FAM89A: variants seen among roughly 807,000 people sequenced by gnomAD.
FAM89A encodes family with sequence similarity 89 member A.
FAM89A carries 10 observed loss-of-function variants against 7.1 expected under a neutral mutation model. The observed-to-expected ratio is 1.40, with a 90% confidence interval of 0.86 to 2.38. The LOEUF is 2.38. Ranked by LOEUF, FAM89A falls within the 30% of genes most tolerant of loss-of-function variation. The pLI is 0.00. For synonymous variants in FAM89A, 157 were observed against 129.3 expected (o/e 1.21, Z -1.45); for missense variants, 276 against 262.8 (o/e 1.05, Z -0.35).
intron 1 of FAM89A, among the ~76,000 whole-genome samples, chr1:231,033,200 C>G (rs143083364): frequency 0.013 from 2,038 of 152,260 alleles, 24 homozygotes; most frequent in Non-Finnish European, 0.018. Context: ...GGGCAAAGGC[C>G]AAGGCGGCCA....
At chr1:231,034,939 C>T (rs12096320) in intron 1 of FAM89A, among the ~76,000 whole-genome samples, 2 of 152,170 alleles carry the variant, frequency 1.3e-5, no homozygotes, top group Non-Finnish European at 2.9e-5. Flanking sequence ...AGTGGAAAGA[C>T]TAGTGAAAAC....
intron 1 of FAM89A, among the ~76,000 whole-genome samples, chr1:231,022,788 G>T (rs1679902842): frequency 1.3e-5 from 2 of 152,184 alleles, no homozygotes; most frequent in South Asian, 4.1e-4. Context: ...ATGAAAAAGT[G>T]CAATAAAGGC....
chr1:231,029,503 A>G (rs1180173444), intron 1 of FAM89A, among the ~76,000 whole-genome samples: 1 of 152,072 alleles, frequency 6.6e-6, no homozygotes, highest in African/African-American at 2.4e-5. Context: ...AAAAAAAGAA[A>G]AAAAAAAAGA....
In FAM89A at chr1:231,021,743, G is replaced by A. The variant is rs190159413; in HGVS notation, c.292-1617C>T. ...AGAACTCGTGGAAACTGCTGGAGAT[G>A]AAATTGTTGACCTCACTTGTGAATC... On this transcript the variant is annotated intron_variant, in intron 1 of 1. Coordinates refer to ENST00000366654, the MANE Select transcript of FAM89A (RefSeq NM_198552.3). 4.4e-6 allele frequency: 7 copies of A among 1,601,840 alleles called. No homozygotes were observed. In the Admixed American group the frequency reaches 8.4e-5, roughly 19 times the overall value.
rs1336987135 is a variant in FAM89A, at chr1:231,024,703, A to AT, written c.292-4578dup. The stretch of plus-strand genomic sequence containing the variant: ...AGGTGCATACCACCATGCCTGGCTA[A>AT]TTTTTTAAAGAAATTCTTTGTAGAG... On this transcript the variant is annotated intron_variant, in intron 1 of 1. Transcript: ENST00000366654. Among the ~76,000 whole-genome samples, 5 of 151,944 alleles carry AT rather than the reference A, an allele frequency of 3.3e-5. No homozygotes were observed. The South Asian group carries it at 6.2e-4, about 19-fold the overall frequency.
chr1:231,038,572 A>C (rs1680197506), intron 1 of FAM89A, among the ~76,000 whole-genome samples: 1 of 152,244 alleles, frequency 6.6e-6, no homozygotes, highest in Non-Finnish European at 1.5e-5. Context: ...TGTGATGCTT[A>C]TGTCAATGAA....
rs187538845 is a variant in FAM89A, at chr1:231,033,178, T to C, written c.291+6743A>G. Among the ~76,000 whole-genome samples, 9 of 152,232 alleles carry C rather than the reference T, an allele frequency of 5.9e-5. No individual in the cohort carries two copies. The East Asian group carries it at 1.5e-3, about 26-fold the overall frequency. ...CCTGTCTAATCATCACTTCCAAACA[T>C]TAGGAACACGTGGGCAAAGGCCAAG... On this transcript the variant is annotated intron_variant, in intron 1 of 1. Transcript: ENST00000366654.
intron 1 of FAM89A, chr1:231,028,853 G>C (rs1197841755): frequency 6.6e-6 from 1 of 152,146 alleles, no homozygotes. Context: ...ACACACACAG[G>C]TGGCCCCGAG....
At chr1:231,021,185 AG>A (rs1424243988) in intron 1 of FAM89A, among the ~76,000 whole-genome samples, 1 of 152,262 alleles carries the variant, frequency 6.6e-6, no homozygotes, top group African/African-American at 2.4e-5. Flanking sequence ...AGAAGACACC[AG>A]GGGACCTGCC....
At chr1:231,029,928 G>T (rs1174441943) in intron 1 of FAM89A, among the ~76,000 whole-genome samples, 2 of 152,200 alleles carry the variant, frequency 1.3e-5, no homozygotes, top group Non-Finnish European at 2.9e-5. Context: ...ATTATAACCT[G>T]ATTTCTGATA....
intron 1 of FAM89A, among the ~76,000 whole-genome samples, chr1:231,034,120 T>C (rs1441254704): frequency 1.3e-5 from 2 of 152,206 alleles, no homozygotes; most frequent in African/African-American, 4.8e-5. Flanking sequence ...TTTCTTCCTT[T>C]TCTGCTTCCC....
At chr1:231,034,447 T>C (rs1248487455) in intron 1 of FAM89A, among the ~76,000 whole-genome samples, 3 of 152,354 alleles carry the variant, frequency 2.0e-5, no homozygotes, top group Non-Finnish European at 2.9e-5. Context: ...CCTTGATTCA[T>C]GTGCTTCTCC....
At chr1:231,029,855 T>A (rs1217881365) in intron 1 of FAM89A, among the ~76,000 whole-genome samples, 1 of 152,240 alleles carries the variant, frequency 6.6e-6, no homozygotes, top group African/African-American at 2.4e-5. Context: ...CCAAATCTAA[T>A]CACAGTGTCT....
chr1:231,021,433 G>A (rs1052142077), intron 1 of FAM89A, among the ~76,000 whole-genome samples: 1 of 152,342 alleles, frequency 6.6e-6, no homozygotes, highest in Admixed American at 6.5e-5. Context: ...GGCAGCGCCT[G>A]CAGACCTAAC....
intron 1 of FAM89A, among the ~76,000 whole-genome samples, chr1:231,034,902 T>C (rs2103076602): frequency 6.6e-6 from 1 of 152,238 alleles, no homozygotes; most frequent in South Asian, 2.1e-4. Flanking sequence ...GGTCCATCCT[T>C]TGGGGATCGC....
At position 231,019,840 on chromosome 1, in the gene FAM89A, A is replaced by G. The variant is rs1302728495; in HGVS notation, c.*23T>C. On this transcript the variant is annotated 3_prime_UTR_variant, in exon 2 of 2. Coordinates refer to ENST00000366654, the MANE Select transcript of FAM89A (RefSeq NM_198552.3). Reference sequence around the variant, plus strand: ...TGTCCAGTAGGAAGGGCTTCCCAACAGTCACATCCCTCCCAAGACCCTCTA... The same window carrying G: ...TGTCCAGTAGGAAGGGCTTCCCAACGGTCACATCCCTCCCAAGACCCTCTA... 1.2e-6 allele frequency: 2 copies of G among 1,601,436 alleles called. No individual in the cohort carries two copies. The highest frequency in any genetic ancestry group is 2.7e-5 in the African/African-American group (2 of 74,610).
intron 1 of FAM89A, 132 bp downstream of exon 1, chr1:231,039,789 C>G: frequency 1.1e-6 from 1 of 932,376 alleles, no homozygotes; most frequent in Non-Finnish European, 1.4e-6. Context: ...AGGACGGCGC[C>G]GGCGCCTGGG....
chr1:231,040,183 GC>G lies in FAM89A; in HGVS notation c.28del (p.Ala10ProfsTer22), dbSNP rs1184809306. The G allele has an allele frequency of 1.9e-5, 21 of 1,127,018 alleles. No individual in the cohort carries two copies. The highest frequency in any genetic ancestry group is 3.3e-5 in the African/African-American group (2 of 60,184). 69.8% of individuals were successfully genotyped at this position (1,127,018 alleles called of 1,614,324 possible). On this transcript the variant is annotated frameshift_variant, in exon 1 of 2. Coordinates refer to ENST00000366654, the MANE Select transcript of FAM89A (RefSeq NM_198552.3). LOFTEE classifies it high-confidence loss of function. ...CCCCCGGACCGCGCCGTTGCCCGCG[GC>G]CCCGGGCGCCGCCCGGGCCCCACTC... MSGARAAPG[A>X]AGNGAVRGLR...
chr1:231,025,089 A>AT (rs2103071806), intron 1 of FAM89A, among the ~76,000 whole-genome samples: 1 of 151,476 alleles, frequency 6.6e-6, no homozygotes, highest in South Asian at 2.1e-4. Flanking sequence ...CGTCCGGCTA[A>AT]TTTTTTGTAT....
Sources: gnomAD v4.1 joint callset for allele counts (sites outside exome capture counted in the v4.1 genomes callset) on GRCh38, gnomAD v4.1.1 for gene constraint, MANE v1.5 for transcripts, NCBI Gene and HGNC (gene_info 2026-07-23, HGNC 2026-07-21) for gene names.